The following NPR3 variants were observed in gnomAD, a reference collection of about 807,000 sequenced individuals.
NPR3 encodes the protein natriuretic peptide receptor 3.
In NPR3, 34 loss-of-function variants were observed where a neutral mutation model predicts 54.5. The observed-to-expected ratio is 0.62, with a 90% CI of 0.47 to 0.83. The LOEUF is 0.83. NPR3 is among the 40% of genes least tolerant of loss of function. The pLI is 0.00. For synonymous variants in NPR3, 289 were observed against 297.1 expected (o/e 0.97, Z 0.28); for missense variants, 674 against 720.8 (o/e 0.94, Z 0.74).
At chr5:32,767,170 A>G (rs1477657824) in intron 3 of NPR3, among the ~76,000 whole-genome samples, 1 of 152,214 alleles carries the variant, frequency 6.6e-6, no homozygotes, top group Non-Finnish European at 1.5e-5. Flanking sequence ...AAAAACACAA[A>G]CTGGAGCACA....
chr5:32,729,987 G>T (rs538810183), intron 2 of NPR3, among the ~76,000 whole-genome samples: 1 of 152,132 alleles, frequency 6.6e-6, no homozygotes, highest in African/African-American at 2.4e-5. Context: ...TCTGTTCCAG[G>T]ATCCAATCCA....
Position 32,738,979 on chromosome 5 carries a change from C to T in NPR3, c.1008C>T (p.Ser336=). The part of the protein sequence containing the change: ...RTVKPEFEKF[S]MEVKSSVEKQ... ...TGAAACCTGAGTTTGAGAAGTTTTCCATGGAGGTGAAAAGTTCAGTTGAGA... is the reference window on the plus strand; with the variant it reads ...TGAAACCTGAGTTTGAGAAGTTTTCTATGGAGGTGAAAAGTTCAGTTGAGA... The change falls in exon 3 of 8, where the codon TCC becomes TCT. Residue 336 remains serine, a synonymous_variant. Coordinates refer to ENST00000265074, the MANE Select transcript of NPR3 (RefSeq NM_001204375.2). 1 of 1,613,948 alleles carries T rather than the reference C, an allele frequency of 6.2e-7. No individual in the cohort carries two copies. The highest frequency in any genetic ancestry group is 8.5e-7 in the Non-Finnish European group (1 of 1,179,866).
intron 3 of NPR3, among the ~76,000 whole-genome samples, chr5:32,757,804 G>A (rs1290749342): frequency 4.6e-5 from 7 of 152,160 alleles, no homozygotes; most frequent in African/African-American, 7.2e-5. Context: ...AGCGTTTTTA[G>A]CATGAAGGGC....
At chr5:32,780,613 G>C in intron 4 of NPR3, 109 bp from the exon 5 acceptor site, 1 of 755,812 alleles carries the variant, frequency 1.3e-6, no homozygotes, top group Non-Finnish European at 2.4e-6. Flanking sequence ...GAGATTCCCT[G>C]TGGCATGAGT....
At position 32,729,014 on chromosome 5, in the gene NPR3, G is replaced by GTTT. The variant is rs769970888; in HGVS notation, c.892+4207_892+4209dup. Among the ~76,000 whole-genome samples the GTTT allele has an allele frequency of 2.3e-3, 228 of 98,490 alleles. 15 individuals carry two copies. The highest frequency in any genetic ancestry group is 9.4e-3 in the African/African-American group (220 of 23,456). 64.6% of individuals were successfully genotyped at this position (98,490 alleles called of 152,430 possible). Reference sequence around the variant, plus strand: ...GCTGAATAATATTGTGTGCCTGTGTGTTTTTTTTTTTTTTTGTTTTGTTTT... The same window carrying GTTT: ...GCTGAATAATATTGTGTGCCTGTGTGTTTTTTTTTTTTTTTTTTGTTTTGTTTT... On this transcript the variant is annotated intron_variant, in intron 2 of 7. Transcript: ENST00000265074.
intron 1 of NPR3, among the ~76,000 whole-genome samples, chr5:32,722,142 AG>A (rs1408409568): frequency 6.6e-6 from 1 of 152,202 alleles, no homozygotes; most frequent in East Asian, 1.9e-4. Context: ...ATGTAAAAAT[AG>A]AAAAAAAAAG....
intron 2 of NPR3, among the ~76,000 whole-genome samples, chr5:32,736,822 G>A (rs1170054990): frequency 6.6e-6 from 1 of 152,148 alleles, no homozygotes; most frequent in Non-Finnish European, 1.5e-5. Context: ...AGTTTTGCTC[G>A]GTGGCCTGAA....
At chr5:32,743,986 CA>C (rs1740165109) in intron 3 of NPR3, among the ~76,000 whole-genome samples, 3 of 105,140 alleles carry the variant, frequency 2.9e-5, no homozygotes, top group South Asian at 6.3e-4. Context: ...CATTCTGATG[CA>C]TTTTTTTTTT....
Position 32,721,431 on chromosome 5 carries a change from G to A in NPR3, c.770-3267G>A, listed in dbSNP as rs938414600. Among the ~76,000 whole-genome samples the A allele has an allele frequency of 1.4e-4, 21 of 152,264 alleles. 1 individual carries two copies. The South Asian group carries it at 1.7e-3, about 12-fold the overall frequency. On this transcript the variant is annotated intron_variant, in intron 1 of 7. Transcript: ENST00000265074. The stretch of plus-strand genomic sequence containing the variant: ...AATCTCAGCACTTTGGGAGGCCCAC[G>A]GTGGGCCGATCACTTAGCCTGGCCA...
At position 32,788,977 on chromosome 5, in the gene NPR3, C is replaced by G. The variant is rs1284561828; in HGVS notation, c.*2632C>G. 1 of 152,834 alleles carries G rather than the reference C, an allele frequency of 6.5e-6. No individual in the cohort carries two copies. The highest frequency in any genetic ancestry group is 1.5e-5 in the Non-Finnish European group (1 of 68,552). 9.5% of individuals were successfully genotyped at this position (152,834 alleles called of 1,614,324 possible). ...GCCCATGGTTACCCTGGATTCAGGTCTCTCATGATTATATTTGGGGATTTA... is the reference window on the plus strand; with the variant it reads ...GCCCATGGTTACCCTGGATTCAGGTGTCTCATGATTATATTTGGGGATTTA... On this transcript the variant is annotated 3_prime_UTR_variant, in exon 8 of 8. Coordinates refer to ENST00000265074, the MANE Select transcript of NPR3 (RefSeq NM_001204375.2).
Position 32,784,764 on chromosome 5 carries a change from T to G in NPR3, c.1427-32T>G, listed in dbSNP as rs761763861. ...AGGCATTTCTAACTGTATCTCCAAATGAACCCTGATTATCCATGCTTCTTT... is the reference window on the plus strand; with the variant it reads ...AGGCATTTCTAACTGTATCTCCAAAGGAACCCTGATTATCCATGCTTCTTT... On this transcript the variant is annotated intron_variant, in intron 6 of 7. Coordinates refer to ENST00000265074, the MANE Select transcript of NPR3 (RefSeq NM_001204375.2). The G allele has an allele frequency of 3.8e-6, 6 of 1,559,648 alleles. No homozygotes were observed. In the South Asian group the frequency reaches 6.7e-5, roughly 17 times the overall value.
chr5:32,753,361 C>G (rs922434676), intron 3 of NPR3, among the ~76,000 whole-genome samples: 1 of 150,764 alleles, frequency 6.6e-6, no homozygotes, highest in African/African-American at 2.4e-5. Flanking sequence ...AACAGCACTT[C>G]AGTTAATTTG....
chr5:32,777,289 A>G (rs1484880802), intron 4 of NPR3, among the ~76,000 whole-genome samples: 2 of 152,296 alleles, frequency 1.3e-5, no homozygotes, highest in Admixed American at 6.5e-5. Context: ...TCACTTGACA[A>G]CCGGTAACAT....
upstream of NPR3, chr5:32,710,805 G>A (rs1738169915): frequency 6.7e-7 from 1 of 1,502,050 alleles, no homozygotes; most frequent in Non-Finnish European, 8.9e-7. Context: ...CGGCACCTAA[G>A]GATTTTTGCA....
chr5:32,768,280 GGC>G (rs1465335662), intron 3 of NPR3, among the ~76,000 whole-genome samples: 1 of 152,188 alleles, frequency 6.6e-6, no homozygotes, highest in African/African-American at 2.4e-5. Flanking sequence ...GTCATCTGAA[GGC>G]CAGGAACGAT....
At chr5:32,710,856 CT>C, upstream of NPR3, 2 of 1,115,662 alleles carry the variant, frequency 1.8e-6, no homozygotes, top group Non-Finnish European at 1.2e-6. Flanking sequence ...TCCCCCAGTC[CT>C]GGTTTTTTTT....
chr5:32,755,274 T>C (rs763368212), intron 3 of NPR3, among the ~76,000 whole-genome samples: 2 of 152,264 alleles, frequency 1.3e-5, no homozygotes, highest in Non-Finnish European at 2.9e-5. Context: ...TTTCCTTTTC[T>C]GTGCTCAGTG....
chr5:32,719,522 T>G (rs1738734354), intron 1 of NPR3, among the ~76,000 whole-genome samples: 1 of 152,206 alleles, frequency 6.6e-6, no homozygotes, highest in African/African-American at 2.4e-5. Flanking sequence ...GGAATCAGTT[T>G]GGATTCTGAA....
intron 2 of NPR3, among the ~76,000 whole-genome samples, chr5:32,725,863 G>A (rs1019368855): frequency 6.6e-6 from 1 of 152,124 alleles, no homozygotes; most frequent in Non-Finnish European, 1.5e-5. Flanking sequence ...CCAGATTACT[G>A]CACCTTAAAC....
Sources: gnomAD v4.1 joint callset for allele counts (sites outside exome capture counted in the v4.1 genomes callset) on GRCh38, gnomAD v4.1.1 for gene constraint, MANE v1.5 for transcripts, NCBI Gene and HGNC (gene_info 2026-07-23, HGNC 2026-07-21) for gene names.